The following GRIA4 variants were observed in gnomAD, a reference collection of about 807,000 sequenced individuals.
GRIA4 encodes the protein glutamate receptor 4.
In GRIA4, 34 loss-of-function variants were observed where a neutral mutation model predicts 104.0. The ratio of observed to expected loss-of-function variants is 0.33; its 90% CI spans 0.25 to 0.44. The LOEUF (loss-of-function observed/expected upper bound fraction) is 0.44, where lower values mean the gene tolerates loss of function less well. Among genes scored for constraint, GRIA4 ranks in the 20% least tolerant of loss-of-function variants. The pLI is 1.00. For missense variants in GRIA4, 750 were observed against 1,096.5 expected, an observed-to-expected ratio of 0.68 and a Z score of 4.46; for synonymous variants, 386 against 381.9, an observed-to-expected ratio of 1.01 and a Z score of -0.13.
At chr11:105,695,292 C>T (rs1486938237) in intron 3 of GRIA4, among the ~76,000 whole-genome samples, 1 of 152,148 alleles carries the variant, frequency 6.6e-6, no homozygotes. Context: ...GCTTTTATAT[C>T]TTCCATCTCT....
intron 14 of GRIA4, among the ~76,000 whole-genome samples, chr11:105,950,823 C>T (rs1271179414): frequency 1.3e-5 from 2 of 151,946 alleles, no homozygotes; most frequent in African/African-American, 4.8e-5. Flanking sequence ...TGACAAACTT[C>T]CCAGGAAAAA....
At chr11:105,719,036 T>C (rs988400617) in intron 3 of GRIA4, among the ~76,000 whole-genome samples, 1 of 152,090 alleles carries the variant, frequency 6.6e-6, no homozygotes, top group Non-Finnish European at 1.5e-5. Context: ...CTGATCTCTC[T>C]CTCTTGTTTT....
chr11:105,807,476 C>G (rs1405430408), intron 4 of GRIA4, among the ~76,000 whole-genome samples: 3 of 151,824 alleles, frequency 2.0e-5, no homozygotes, highest in Admixed American at 1.3e-4. Context: ...TCAGAAACTT[C>G]TAAGAGTTTC....
chr11:105,734,240 G>GGA (rs1321910123), intron 3 of GRIA4, among the ~76,000 whole-genome samples: 6 of 151,744 alleles, frequency 4.0e-5, no homozygotes, highest in African/African-American at 1.5e-4. Context: ...CTTGGTAAAT[G>GGA]GTAAACACAA....
intron 12 of GRIA4, among the ~76,000 whole-genome samples, chr11:105,926,495 C>T (rs1484808271): frequency 6.6e-6 from 1 of 152,020 alleles, no homozygotes; most frequent in Non-Finnish European, 1.5e-5. Context: ...TACATTTCTG[C>T]CATTTTCTTT....
intron 3 of GRIA4, among the ~76,000 whole-genome samples, chr11:105,643,473 C>A (rs1415772495): frequency 6.6e-6 from 1 of 152,086 alleles, no homozygotes; most frequent in African/African-American, 2.4e-5. Context: ...TATTTTTACC[C>A]CATGTTTCTT....
chr11:105,850,025 T>C (rs748061386), intron 4 of GRIA4, among the ~76,000 whole-genome samples: 4 of 152,234 alleles, frequency 2.6e-5, no homozygotes, highest in Non-Finnish European at 4.4e-5. Flanking sequence ...ATTCATTTGA[T>C]TGTGCCTATC....
In GRIA4 at chr11:105,979,843, T is replaced by C; in HGVS notation, c.*104T>C. ...GCGGGTCTTTGCTAAACCAATCCTTTGGCTGAGAGCGGGAAGTCCGTCCTA... is the reference window on the plus strand; with the variant it reads ...GCGGGTCTTTGCTAAACCAATCCTTCGGCTGAGAGCGGGAAGTCCGTCCTA... On this transcript the variant is annotated 3_prime_UTR_variant, in exon 17 of 17. Coordinates refer to ENST00000282499, the MANE Select transcript of GRIA4 (RefSeq NM_000829.4). The C allele has an allele frequency of 2.5e-6, 2 of 800,098 alleles. No homozygotes were observed. Among genetic ancestry groups the C allele is most frequent in the East Asian group, 2.7e-5 (1 of 37,012 alleles). 49.6% of individuals were successfully genotyped at this position (800,098 alleles called of 1,614,324 possible). A position where few individuals can be genotyped will look rare whatever the true frequency, so the allele number is the denominator to read the frequency against.
At chr11:105,695,461 TGTG>T (rs1953238914) in intron 3 of GRIA4, among the ~76,000 whole-genome samples, 2 of 88,612 alleles carry the variant, frequency 2.3e-5, no homozygotes, top group Admixed American at 1.6e-4. Flanking sequence ...TGTGTGTGTC[TGTG>T]TGTGTGTGTG....
At chr11:105,926,398 A>G (rs1303105737) in intron 12 of GRIA4, among the ~76,000 whole-genome samples, 1 of 152,176 alleles carries the variant, frequency 6.6e-6, no homozygotes. Context: ...TCCTAATTTC[A>G]GAGATGCTAA....
intron 3 of GRIA4, among the ~76,000 whole-genome samples, chr11:105,751,602 T>C (rs1308046744): frequency 1.3e-5 from 2 of 152,214 alleles, no homozygotes; most frequent in Non-Finnish European, 1.5e-5. Flanking sequence ...AGAATTTCTT[T>C]ATAAACCCTA....
rs1565471121 is a variant in GRIA4 at position 105,695,480 on chromosome 11, G to GTGTGTGTGTGTGTGTGTC, written c.248-57484_248-57483insCTGTGTGTGTGTGTGTGT. Among the ~76,000 whole-genome samples the GTGTGTGTGTGTGTGTGTC allele has an allele frequency of 1.8e-4, 3 of 16,748 alleles. No individual in the cohort carries two copies. The East Asian group carries it at 5.5e-3, about 31-fold the overall frequency. 11.0% of individuals were successfully genotyped at this position (16,748 alleles called of 152,430 possible). A position where few individuals can be genotyped will look rare whatever the true frequency, so the allele number is the denominator to read the frequency against. ...TGTGTCTGTGTGTGTGTGTGTGTCT[G>GTGTGTGTGTGTGTGTGTC]TGTGTGTGTGTGTGTGTGTGTCTGT... On this transcript the variant is annotated intron_variant, in intron 3 of 16. Transcript: ENST00000282499.
chr11:105,847,406 T>C (rs1355536440), intron 4 of GRIA4, among the ~76,000 whole-genome samples: 1 of 152,192 alleles, frequency 6.6e-6, no homozygotes, highest in Non-Finnish European at 1.5e-5. Context: ...TGGGGACCTC[T>C]GCATTAGAGC....
At chr11:105,701,278 T>C (rs913430625) in intron 3 of GRIA4, among the ~76,000 whole-genome samples, 1 of 152,250 alleles carries the variant, frequency 6.6e-6, no homozygotes, top group Non-Finnish European at 1.5e-5. Context: ...CTTAACACAG[T>C]GCTTGGCATG....
intron 11 of GRIA4, among the ~76,000 whole-genome samples, 196 bp downstream of exon 11, chr11:105,919,114 A>G (rs1947487279): frequency 6.6e-6 from 1 of 152,168 alleles, no homozygotes; most frequent in Non-Finnish European, 1.5e-5. Flanking sequence ...GACACTTGGT[A>G]AGATCAAAAT....
At chr11:105,774,048 T>C (rs987271214) in intron 4 of GRIA4, among the ~76,000 whole-genome samples, 4 of 151,650 alleles carry the variant, frequency 2.6e-5, no homozygotes, top group African/African-American at 9.7e-5. Context: ...GGAACATTTA[T>C]AAAAATTGAC....
chr11:105,749,669 G>C (rs141585208), intron 3 of GRIA4, among the ~76,000 whole-genome samples: 6 of 152,254 alleles, frequency 3.9e-5, no homozygotes, highest in African/African-American at 1.2e-4. Flanking sequence ...GTGGCATCTG[G>C]AATGAAATTG....
chr11:105,762,271 G>T (rs140582140), intron 4 of GRIA4, among the ~76,000 whole-genome samples: 1 of 152,170 alleles, frequency 6.6e-6, no homozygotes, highest in Non-Finnish European at 1.5e-5. Context: ...TGATCTGCCC[G>T]CCTTGGCCTC....
intron 3 of GRIA4, among the ~76,000 whole-genome samples, chr11:105,680,319 G>A (rs1952669229): frequency 6.6e-6 from 1 of 151,984 alleles, no homozygotes; most frequent in Non-Finnish European, 1.5e-5. Context: ...ATAAATCCTG[G>A]CTATAGGAGG....
Sources: gnomAD v4.1 joint callset for allele counts (sites outside exome capture counted in the v4.1 genomes callset) on GRCh38, gnomAD v4.1.1 for gene constraint, MANE v1.5 for transcripts, NCBI Gene and HGNC (gene_info 2026-07-23, HGNC 2026-07-21) for gene names.